DNHD1: variants seen among roughly 807,000 people sequenced by gnomAD.
DNHD1 encodes the protein dynein heavy chain domain 1.
In DNHD1, 383 loss-of-function variants were observed where a neutral mutation model predicts 458.1. The ratio of observed to expected loss-of-function variants is 0.84; its 90% CI spans 0.77 to 0.91. The LOEUF (loss-of-function observed/expected upper bound fraction) is 0.91, where lower values mean the gene tolerates loss of function less well. Ranked by LOEUF, DNHD1 falls within the 40% of genes least tolerant of loss-of-function variation. DNHD1 has a pLI of 0.00. For missense variants in DNHD1, 5,336 were observed against 5,866.1 expected (o/e 0.91, Z 2.95); for synonymous variants, 2,203 against 2,376.9 (o/e 0.93, Z 2.13).
At chr11:6,507,004 A>G (rs1852241856) in intron 4 of DNHD1, among the ~76,000 whole-genome samples, 1 of 152,200 alleles carries the variant, frequency 6.6e-6, no homozygotes, top group African/African-American at 2.4e-5. Flanking sequence ...TTTCAGGTGC[A>G]AGCAAGATGG....
rs1853852370 is a variant in DNHD1, at chr11:6,571,547, C to T, written c.13912-89C>T. 1 of 1,456,896 alleles carries T rather than the reference C, an allele frequency of 6.9e-7. No individual in the cohort carries two copies. The highest frequency in any genetic ancestry group is 1.4e-5 in the African/African-American group (1 of 70,572). The allele number at this position is 1,456,896 out of a possible 1,614,324, so 90.2% of individuals were successfully genotyped here. Reference sequence around the variant, plus strand: ...CCTGCTAGCTTCTCCGATCTCGCTTCACCACGACCTCCTACCCGCTAACCC... The same window carrying T: ...CCTGCTAGCTTCTCCGATCTCGCTTTACCACGACCTCCTACCCGCTAACCC... On this transcript the variant is annotated intron_variant, in intron 42 of 42. Transcript: ENST00000254579. The surrounding 1 kb of genome is among the most constrained non-coding windows in gnomAD (Gnocchi z 5.0).
rs1372998973 is a variant in DNHD1, at chr11:6,544,148, A to G, written c.3656A>G (p.Gln1219Arg). ...SDYSNLQDSI[Q>R]ESLQVLSKIL... ...TACAGCAACCTGCAGGATTCCATCCAGGAAAGTCTTCAGGTGTTGTCCAAG... is the reference window on the plus strand; with the variant it reads ...TACAGCAACCTGCAGGATTCCATCCGGGAAAGTCTTCAGGTGTTGTCCAAG... Residue 1219 changes from glutamine to arginine, a missense_variant, in exon 19 of 43, where the codon CAG (glutamine) becomes CGG (arginine). Transcript: ENST00000254579. The G allele has an allele frequency of 1.9e-6, 3 of 1,551,588 alleles. No individual in the cohort carries two copies. The highest frequency in any genetic ancestry group is 2.6e-6 in the Non-Finnish European group (3 of 1,146,928).
rs61729699 is a variant in DNHD1 at position 6,547,437 on chromosome 11, T to C, written c.6498T>C (p.Tyr2166=). The C allele has an allele frequency of 0.025, 38,238 of 1,551,678 alleles. 579 individuals are homozygous for C. Among genetic ancestry groups the C allele is most frequent in the Non-Finnish European group, 0.028 (32,090 of 1,146,944 alleles). Residue 2166 remains tyrosine (Y), a synonymous_variant, in exon 21 of 43, where the codon TAT becomes TAC. Coordinates refer to ENST00000254579, the MANE Select transcript of DNHD1 (RefSeq NM_144666.3). ...GTGCCCTGATGGCATCCCTTCCTTATGAGTACCGCCTGCAGCACCGGACAG... is the reference window on the plus strand; with the variant it reads ...GTGCCCTGATGGCATCCCTTCCTTACGAGTACCGCCTGCAGCACCGGACAG... ...ILSALMASLP[Y]EYRLQHRTVA...
At position 6,546,108 on chromosome 11, in the gene DNHD1, C is replaced by G; in HGVS notation, c.5169C>G (p.Ser1723Arg). The stretch of plus-strand genomic sequence containing the variant: ...CTCAGATAGAGGCTCAATGCCTGAG[C>G]AACTATCTGAATGGTGCCCTGCAGG... ...CSPQIEAQCL[S>R]NYLNGALQGG... The change falls in exon 21 of 43, where the codon AGC (serine) becomes AGG (arginine). Residue 1723 changes from serine to arginine, a missense_variant. Physicochemically the swap from Ser to Arg is moderately radical, Grantham distance 110 (BLOSUM62 -1). Around this residue, in one of 4 missense-constraint regions of DNHD1, gnomAD observed 3,932 missense variants for 4,365.6 expected, o/e 0.90. Transcript: ENST00000254579. 1 of 1,551,562 alleles carries G rather than the reference C, an allele frequency of 6.4e-7. No individual in the cohort carries two copies. The highest frequency in any genetic ancestry group is 8.7e-7 in the Non-Finnish European group (1 of 1,146,864).
chr11:6,511,142 G>A, intron 6 of DNHD1, 131 bp from the exon 7 acceptor site: 1 of 1,246,230 alleles, frequency 8.0e-7, no homozygotes, highest in East Asian at 2.4e-5. Flanking sequence ...GTCACTATTG[G>A]TCACTGTTGG....
chr11:6,567,317 A>G lies in DNHD1; in HGVS notation c.11808A>G (p.Ala3936=). The G allele has an allele frequency of 6.2e-7, 1 of 1,614,060 alleles. No homozygotes were observed. Among genetic ancestry groups the G allele is most frequent in the Non-Finnish European group, 8.5e-7 (1 of 1,179,900 alleles). The change falls in exon 36 of 43, where the codon GCA becomes GCG. Residue 3936 remains alanine, a synonymous_variant. Coordinates refer to ENST00000254579, the MANE Select transcript of DNHD1 (RefSeq NM_144666.3). ...TTACCCAAGTACCCTTGGTGGGTGC[A>G]TTGGGCGCTTTGGCTCTGCTGCAAG... ...LGLTQVPLVG[A]LGALALLQAT... is the part of the protein sequence containing the mutation.
At position 6,528,615 on chromosome 11, in the gene DNHD1, A is replaced by G. The variant is rs1406061725; in HGVS notation, c.1931A>G (p.Asn644Ser). 1.9e-6 allele frequency: 3 copies of G among 1,551,718 alleles called. No individual in the cohort carries two copies. Among genetic ancestry groups the G allele is most frequent in the Middle Eastern group, 1.7e-4 (1 of 5,990 alleles). Residue 644 changes from asparagine (N) to serine (S), a missense_variant, in exon 11 of 43, where the codon AAT becomes AGT. Asn to Ser is a conservative substitution (Grantham distance 46, BLOSUM62 1). Around this residue, in one of 4 missense-constraint regions of DNHD1, gnomAD observed 3,932 missense variants for 4,365.6 expected, o/e 0.90. Transcript: ENST00000254579. ...GCTGTGAGCATCTTCTGTGGCCCGA[A>G]TGTGGGATTGGTGTGGCCCTGGAAG... The part of the protein sequence containing the change: ...SDAVSIFCGP[N>S]VGLVWPWKSH...
rs1280104299 is a variant in DNHD1, at chr11:6,568,227, T to G, written c.12523T>G (p.Leu4175Val). 7.1e-6 allele frequency: 11 copies of G among 1,550,990 alleles called. No individual in the cohort carries two copies. The highest frequency in any genetic ancestry group is 9.6e-6 in the Non-Finnish European group (11 of 1,146,324). ...GCTGCTACAGCTCTTGCTGGAACTG[T>G]TAGGCAGAGCCAAGGGTGAGTTTAT... ...KELLQLLLEL[L>V]GRAKVVADLE... is the part of the protein sequence containing the mutation. The change falls in exon 37 of 43, where the codon TTA becomes GTA. Residue 4175 changes from leucine (L) to valine (V), a missense_variant. Transcript: ENST00000254579.
Position 6,547,882 on chromosome 11 carries a change from T to C in DNHD1, c.6747T>C (p.Asp2249=). Reference sequence around the variant, plus strand: ...TCACAGAGGACCTCAGCTATAGTGATCCTGTGGCCCAAAGCTTCAGGTCTT... The same window carrying C: ...TCACAGAGGACCTCAGCTATAGTGACCCTGTGGCCCAAAGCTTCAGGTCTT... ...APGPEDLSYS[D]PVAQSFRSSK... The change falls in exon 22 of 43, where the codon GAT becomes GAC. Residue 2249 remains aspartate (D), a synonymous_variant. Coordinates refer to ENST00000254579, the MANE Select transcript of DNHD1 (RefSeq NM_144666.3). 6.4e-7 allele frequency: 1 copy of C among 1,551,802 alleles called. No individual in the cohort carries two copies. The highest frequency in any genetic ancestry group is 8.7e-7 in the Non-Finnish European group (1 of 1,147,026).
chr11:6,542,813 G>A (rs117102135), intron 18 of DNHD1, among the ~76,000 whole-genome samples: 63 of 152,322 alleles, frequency 4.1e-4, no homozygotes, highest in Non-Finnish European at 7.1e-4. Flanking sequence ...GAAAATGAAA[G>A]TATACTATCA....
Position 6,548,136 on chromosome 11 carries a change from G to A in DNHD1, c.6906-74G>A. The stretch of plus-strand genomic sequence containing the variant: ...CATGACATCACTGTTAGGGTATGGT[G>A]GAGTGTGTGAGTGTGTCATAAATGG... On this transcript the variant is annotated intron_variant, in intron 22 of 42. Transcript: ENST00000254579. This position sits in a 1 kb window ranked among gnomAD's most constrained non-coding sequence, Gnocchi z 4.4. 6 of 1,544,344 alleles carry A rather than the reference G, an allele frequency of 3.9e-6. No individual in the cohort carries two copies. The highest frequency in any genetic ancestry group is 5.3e-6 in the Non-Finnish European group (6 of 1,140,600).
At chr11:6,517,263 C>T (rs1470971619) in intron 7 of DNHD1, among the ~76,000 whole-genome samples, 1 of 152,212 alleles carries the variant, frequency 6.6e-6, no homozygotes, top group African/African-American at 2.4e-5. Context: ...CATCCATCAC[C>T]ACACAGGCTG....
rs560475031 is a variant in DNHD1, at chr11:6,508,846, A to G, written c.921-34A>G. On this transcript the variant is annotated intron_variant, in intron 4 of 42. Coordinates refer to ENST00000254579, the MANE Select transcript of DNHD1 (RefSeq NM_144666.3). ...TCTCTTAAAGTCTGACCACGTTCCC[A>G]GGGCCTTCACTGATCAGAGCTCTTT... The G allele has an allele frequency of 4.0e-5, 65 of 1,608,960 alleles. No individual in the cohort carries two copies. The Middle Eastern group carries it at 5.6e-4, about 14-fold the overall frequency.
rs1377268794 is a variant in DNHD1, at chr11:6,556,773, C to A, written c.7478C>A (p.Thr2493Lys). Residue 2493 changes from threonine to lysine, a missense_variant, in exon 25 of 43, where the codon ACG (threonine) becomes AAG (lysine). By Grantham distance (78) the Thr-to-Lys change is moderately conservative (BLOSUM62 -1). Coordinates refer to ENST00000254579, the MANE Select transcript of DNHD1 (RefSeq NM_144666.3). ...VYAHSTLELQ[T>K]LQPTVNFLAT... ...GCCCACAGCACCTTGGAACTGCAGA[C>A]GCTGCAGCCTACAGTCAACTTCCTT... 2 of 1,551,640 alleles carry A rather than the reference C, an allele frequency of 1.3e-6. No individual in the cohort carries two copies. Among genetic ancestry groups the A allele is most frequent in the Non-Finnish European group, 1.7e-6 (2 of 1,146,928 alleles).
chr11:6,549,024 G>T (rs1014988938), intron 24 of DNHD1, 91 bp downstream of exon 24: 149 of 1,357,788 alleles, frequency 1.1e-4, no homozygotes, highest in Admixed American at 1.0e-4. Context: ...TCAAATATAT[G>T]TCTGTAGATC....
intron 17 of DNHD1, 68 bp downstream of exon 17, chr11:6,539,381 G>A: frequency 1.6e-6 from 2 of 1,212,494 alleles, no homozygotes; most frequent in Admixed American, 2.0e-5. Flanking sequence ...GCCAGTCAAG[G>A]GTGGTGGGTG....
At position 6,557,112 on chromosome 11, in the gene DNHD1, AC is replaced by A; in HGVS notation, c.7818del (p.Asn2606LysfsTer29). 1 of 1,551,712 alleles carries A rather than the reference AC, an allele frequency of 6.4e-7. No individual in the cohort carries two copies. Among genetic ancestry groups the A allele is most frequent in the Non-Finnish European group, 8.7e-7 (1 of 1,146,986 alleles). On this transcript the variant is annotated frameshift_variant, in exon 25 of 43. Transcript: ENST00000254579. LOFTEE classifies it high-confidence loss of function. Reference sequence around the variant, plus strand: ...CTGAGCAGCCTGCAGCTGCTGCCCAACAGAACAGGCTCCCGAGGTTTTGTGG... The same window carrying A: ...CTGAGCAGCCTGCAGCTGCTGCCCAAAGAACAGGCTCCCGAGGTTTTGTGG... Reference protein sequence around the residue: ...HLLSSLQLLPNRTGSRGFVDY... With the variant: ...HLLSSLQLLPXRTGSRGFVDY...
chr11:6,565,732 A>G lies in DNHD1; in HGVS notation c.10794A>G (p.Lys3598=). ...GLMRNQKRES[K]TDMKEEDDES... is the part of the protein sequence containing the mutation. ...TGAGAAATCAAAAGAGAGAGAGTAA[A>G]ACGGACATGAAAGAGGAAGATGATG... Residue 3598 remains lysine (K), a synonymous_variant, in exon 33 of 43, where the codon AAA becomes AAG. Transcript: ENST00000254579. 2 of 1,550,630 alleles carry G rather than the reference A, an allele frequency of 1.3e-6. No homozygotes were observed. Among genetic ancestry groups the G allele is most frequent in the Non-Finnish European group, 1.7e-6 (2 of 1,146,828 alleles).
intron 18 of DNHD1, among the ~76,000 whole-genome samples, chr11:6,541,652 A>G (rs1487584200): frequency 3.3e-5 from 5 of 152,224 alleles, no homozygotes; most frequent in African/African-American, 4.8e-5. Flanking sequence ...TGTGGGCCAC[A>G]TTAATAATTT....
Sources: allele counts gnomAD v4.1 joint callset (sites outside exome capture counted in the v4.1 genomes callset), GRCh38; gene constraint gnomAD v4.1.1; regional missense constraint gnomAD v4.1.1; non-coding constraint Gnocchi (gnomAD v3.1); transcripts MANE v1.5; gene names NCBI Gene and HGNC (gene_info 2026-07-23, HGNC 2026-07-21).